The following STRA6 variants were observed in gnomAD, a reference collection of about 807,000 sequenced individuals.
The protein encoded by STRA6 is receptor for retinol uptake STRA6.
In STRA6, 48 loss-of-function variants were observed where a neutral mutation model predicts 83.6. The observed-to-expected ratio is 0.57, with a 90% CI of 0.46 to 0.73. The LOEUF (loss-of-function observed/expected upper bound fraction) is 0.73, where lower values mean the gene tolerates loss of function less well. Among genes scored for constraint, STRA6 ranks in the 30% least tolerant of loss-of-function variants. The pLI, the probability that STRA6 is intolerant of heterozygous loss-of-function variation, is 0.00. For missense variants in STRA6, 760 were observed against 838.8 expected, an observed-to-expected ratio of 0.91 and a Z score of 1.16; for synonymous variants, 353 against 362.3, an observed-to-expected ratio of 0.97 and a Z score of 0.29.
chr15:74,196,967 T>C (rs2073848551), intron 4 of STRA6, among the ~76,000 whole-genome samples: 1 of 152,176 alleles, frequency 6.6e-6, no homozygotes, highest in Admixed American at 6.5e-5. Context: ...CCTTCAAGCA[T>C]TAGGGTCCAG....
At chr15:74,193,141 T>G (rs914042278) in intron 8 of STRA6, among the ~76,000 whole-genome samples, 3 of 152,174 alleles carry the variant, frequency 2.0e-5, no homozygotes, top group Middle Eastern at 3.2e-3. Flanking sequence ...ATCCATCTAT[T>G]CAAAAATTCA....
chr15:74,196,044 A>G lies in STRA6; in HGVS notation c.370T>C (p.Leu124=), dbSNP rs1199197445. ...GCTGAGGCGAGAGTCAGGAAGGGCA[A>G]TGCGTCCTCGTCGGGGAGCAGCAAA... is the stretch of plus-strand genomic sequence containing the variant. ...LCLLLPDEDA[L]PFLTLASAPS... is the part of the protein sequence containing the mutation. The change falls in exon 5 of 19, where the codon TTG becomes CTG. Residue 124 remains leucine (L), a synonymous_variant. Coordinates refer to ENST00000395105, the MANE Select transcript of STRA6 (RefSeq NM_022369.4). 1.2e-6 allele frequency: 2 copies of G among 1,614,006 alleles called. No homozygotes were observed. Among genetic ancestry groups the G allele is most frequent in the Non-Finnish European group, 1.7e-6 (2 of 1,179,998 alleles).
intron 7 of STRA6, 185 bp downstream of exon 7, chr15:74,195,117 T>G (rs1295610386): frequency 6.0e-6 from 9 of 1,488,744 alleles, no homozygotes; most frequent in Non-Finnish European, 7.1e-6. Context: ...AGCCACCTTG[T>G]TCCCTGCCTC....
intron 8 of STRA6, among the ~76,000 whole-genome samples, chr15:74,192,874 G>A (rs577723782): frequency 1.3e-5 from 2 of 152,186 alleles, no homozygotes; most frequent in Non-Finnish European, 2.9e-5. Context: ...CCCAACACCC[G>A]GTGCAGGTTT....
intron 6 of STRA6, 83 bp from the exon 7 acceptor site, chr15:74,195,551 G>T: frequency 1.0e-5 from 16 of 1,581,218 alleles, no homozygotes; most frequent in Non-Finnish European, 1.2e-5. Context: ...CCTCTCTTCG[G>T]TCTCCAGCTT....
chr15:74,201,952 G>A (rs1464560776), intron 2 of STRA6, among the ~76,000 whole-genome samples: 1 of 152,206 alleles, frequency 6.6e-6, no homozygotes, highest in African/African-American at 2.4e-5. Flanking sequence ...ACAGCAGGGT[G>A]AGGGATGTTG....
intron 7 of STRA6, chr15:74,194,455 A>AC (rs1451265441): frequency 1.1e-6 from 1 of 928,938 alleles, no homozygotes; most frequent in Non-Finnish European, 1.3e-6. Flanking sequence ...AAAAAAAGCC[A>AC]CCAAGTTCCC....
At chr15:74,202,481 G>T in intron 1 of STRA6, 199 bp from the exon 2 acceptor site, 1 of 1,535,654 alleles carries the variant, frequency 6.5e-7, no homozygotes, top group Non-Finnish European at 8.7e-7. Context: ...ACGGGAAGAG[G>T]ACAGGGCCTC....
chr15:74,188,954 G>A lies in STRA6; in HGVS notation c.1090+161C>T, dbSNP rs1199940616. Among the ~76,000 whole-genome samples, 4 of 152,200 alleles carry A rather than the reference G, an allele frequency of 2.6e-5. No homozygotes were observed. Among genetic ancestry groups the A allele is most frequent in the East Asian group, 3.9e-4 (2 of 5,194 alleles). On this transcript the variant is annotated intron_variant, in intron 12 of 18. Coordinates refer to ENST00000395105, the MANE Select transcript of STRA6 (RefSeq NM_022369.4). This position sits in a 1 kb window ranked among gnomAD's most constrained non-coding sequence, Gnocchi z 4.5. ...TTCATGGAAGCTCAGAACTGGAAGCGCCAACTGCCACAATTTGGAGATGAG... is the reference window on the plus strand; with the variant it reads ...TTCATGGAAGCTCAGAACTGGAAGCACCAACTGCCACAATTTGGAGATGAG...
Position 74,182,213 on chromosome 15 carries a change from C to G in STRA6, c.1468G>C (p.Ala490Pro). 6.2e-7 allele frequency: 1 copy of G among 1,614,164 alleles called. No individual in the cohort carries two copies. Among genetic ancestry groups the G allele is most frequent in the Non-Finnish European group, 8.5e-7 (1 of 1,180,010 alleles). The change falls in exon 16 of 19, where the codon GCC becomes CCC. Residue 490 changes from alanine (A) to proline (P), a missense_variant. Coordinates refer to ENST00000395105, the MANE Select transcript of STRA6 (RefSeq NM_022369.4). Reference protein sequence around the residue: ...ALAVILQNMAAHWVFLETHDG... With the variant: ...ALAVILQNMAPHWVFLETHDG... The stretch of plus-strand genomic sequence containing the variant: ...TGAGTCTCCAGGAAGACCCAATGGG[C>G]TGCCATGTTCTGCAGGATCACAGCC...
At chr15:74,207,285 C>T (rs570860149), upstream of STRA6, among the ~76,000 whole-genome samples, 4 of 152,280 alleles carry the variant, frequency 2.6e-5, no homozygotes, top group South Asian at 4.1e-4. Context: ...AACATCCCCT[C>T]AAGGACTCCC....
chr15:74,197,621 G>A (rs1353049250), intron 3 of STRA6, 131 bp downstream of exon 3: 4 of 1,320,734 alleles, frequency 3.0e-6, no homozygotes, highest in Non-Finnish European at 4.2e-6. Context: ...CAAGCTGGGA[G>A]AACTCCCAGA....
chr15:74,193,807 C>A lies in STRA6; in HGVS notation c.713G>T (p.Gly238Val). ...CCAGGCCTGCCCCTTTACCTTGGAG[C>A]CTGCTCCTGTCCTACGGCTGAAGCT... is the stretch of plus-strand genomic sequence containing the variant. ...VRSFSRRTGA[G>V]SKGLQSSYSE... The change falls in exon 8 of 19, where the codon GGC (glycine) becomes GTC (valine). Residue 238 changes from glycine (G) to valine (V), a missense_variant. Physicochemically the swap from Gly to Val is moderately radical, Grantham distance 109. Coordinates refer to ENST00000395105, the MANE Select transcript of STRA6 (RefSeq NM_022369.4). The A allele has an allele frequency of 1.2e-6, 2 of 1,613,724 alleles. No homozygotes were observed. Among genetic ancestry groups the A allele is most frequent in the Non-Finnish European group, 1.7e-6 (2 of 1,179,740 alleles).
In STRA6 at chr15:74,180,114, G is replaced by A. The variant is rs144043304; in HGVS notation, c.1970C>T (p.Thr657Met). ...GGCACCATTGGCACCCAACAGGGCC[G>A]TCTTGCGGAAGACCTGCAGGGTTGG... ...HNPTLQVFRK[T>M]ALLGANGAQP The change falls in exon 19 of 19, where the codon ACG becomes ATG. Residue 657 changes from threonine to methionine, a missense_variant. Thr to Met is a moderately conservative substitution (Grantham distance 81, BLOSUM62 -1). Transcript: ENST00000395105. 563 of 1,613,694 alleles carry A rather than the reference G, an allele frequency of 3.5e-4. 2 individuals are homozygous for A. The highest frequency in any genetic ancestry group is 6.9e-4 in the East Asian group (31 of 44,852).
rs112837025 is a variant in STRA6, at chr15:74,188,297, G to A, written c.1090+818C>T. On this transcript the variant is annotated intron_variant, in intron 12 of 18. Transcript: ENST00000395105. This position sits in a 1 kb window ranked among gnomAD's most constrained non-coding sequence, Gnocchi z 4.5. Reference sequence around the variant, plus strand: ...TCCACCTGCAACGCTGGCAGCCCACGCTCTGACCACATGTTACTCCTCAGA... The same window carrying A: ...TCCACCTGCAACGCTGGCAGCCCACACTCTGACCACATGTTACTCCTCAGA... 5.0e-4 allele frequency among the ~76,000 whole-genome samples: 76 copies of A among 152,340 alleles called. 1 individual carries two copies. The highest frequency in any genetic ancestry group is 1.8e-3 in the African/African-American group (74 of 41,572).
chr15:74,194,768 G>GATCT, intron 7 of STRA6: 5 of 1,268,872 alleles, frequency 3.9e-6, no homozygotes, highest in Admixed American at 3.7e-5. Flanking sequence ...AAGTGGTGAA[G>GATCT]CTGGATTCAC....
At chr15:74,191,341 A>T in intron 9 of STRA6, 83 bp downstream of exon 9, 1 of 1,608,040 alleles carries the variant, frequency 6.2e-7, no homozygotes, top group Non-Finnish European at 8.5e-7. Flanking sequence ...TGCCCCTGCC[A>T]TGCTGCCCAG....
chr15:74,182,096 A>G, intron 16 of STRA6, 65 bp downstream of exon 16: 1 of 1,408,238 alleles, frequency 7.1e-7, no homozygotes. Context: ...GAGGACACAA[A>G]AAGAGAGAGA....
chr15:74,203,210 C>T (rs947508101), upstream of STRA6: 1 of 972,676 alleles, frequency 1.0e-6, no homozygotes, highest in African/African-American at 1.8e-5. Flanking sequence ...TTGGTAAACC[C>T]TTTTTGTTCC....
Sources: gnomAD v4.1 joint callset for allele counts (sites outside exome capture counted in the v4.1 genomes callset) on GRCh38, gnomAD v4.1.1 for gene constraint, Gnocchi (gnomAD v3.1) non-coding constraint, MANE v1.5 for transcripts, NCBI Gene and HGNC (gene_info 2026-07-23, HGNC 2026-07-21) for gene names.